The following ADAMTS19 variants were observed in gnomAD, a reference collection of about 807,000 sequenced individuals.
The protein encoded by ADAMTS19 is A disintegrin and metalloproteinase with thrombospondin motifs 19.
ADAMTS19 carries 93 observed loss-of-function variants against 153.3 expected under a neutral mutation model. That is an observed-to-expected ratio of 0.61 (90% CI 0.51 to 0.72). The LOEUF (loss-of-function observed/expected upper bound fraction) is 0.72, where lower values mean the gene tolerates loss of function less well. Among genes scored for constraint, ADAMTS19 ranks in the 30% least tolerant of loss-of-function variants. The probability of loss-of-function intolerance (pLI) is 0.00; values close to 1 mark genes in which losing one functional copy is unlikely to be tolerated. For synonymous variants in ADAMTS19, 600 were observed against 556.6 expected (o/e 1.08, Z -1.10); for missense variants, 1,482 against 1,552.1 (o/e 0.95, Z 0.76).
At chr5:129,647,968 T>G in intron 12 of ADAMTS19, 73 bp downstream of exon 12, 1 of 1,499,476 alleles carries the variant, frequency 6.7e-7, no homozygotes, top group East Asian at 2.3e-5. Flanking sequence ...TGATAAAGCA[T>G]GTTGGAAAGC....
chr5:129,728,011 T>C (rs932977026), intron 21 of ADAMTS19, among the ~76,000 whole-genome samples: 6 of 152,080 alleles, frequency 3.9e-5, no homozygotes, highest in African/African-American at 1.2e-4. Flanking sequence ...CAGGTTGCGG[T>C]AAAGAAGCTG....
At chr5:129,560,600 T>C (rs1257259445) in intron 7 of ADAMTS19, among the ~76,000 whole-genome samples, 1 of 152,226 alleles carries the variant, frequency 6.6e-6, no homozygotes, top group East Asian at 1.9e-4. Context: ...GCATTTAAGA[T>C]GATTTTTGTT....
intron 10 of ADAMTS19, among the ~76,000 whole-genome samples, chr5:129,640,141 T>A (rs72792806): frequency 0.082 from 12,522 of 152,122 alleles, 597 homozygotes; most frequent in Middle Eastern, 0.15. Flanking sequence ...GGAAAAAAAG[T>A]CACAGAAAAG....
At chr5:129,667,994 T>A (rs1754129288) in intron 16 of ADAMTS19, among the ~76,000 whole-genome samples, 2 of 152,204 alleles carry the variant, frequency 1.3e-5, no homozygotes, top group African/African-American at 4.8e-5. Context: ...TATTCCCTCA[T>A]AGTTCTGTAG....
At chr5:129,486,473 T>C (rs956381696) in intron 2 of ADAMTS19, among the ~76,000 whole-genome samples, 8 of 151,886 alleles carry the variant, frequency 5.3e-5, no homozygotes, top group Admixed American at 5.3e-4. Flanking sequence ...ATAAATGAAA[T>C]AAAAAAGAAA....
intron 3 of ADAMTS19, among the ~76,000 whole-genome samples, chr5:129,520,620 T>C (rs1372110017): frequency 3.3e-5 from 5 of 152,208 alleles, no homozygotes; most frequent in Non-Finnish European, 5.9e-5. Flanking sequence ...AGTCTTACTC[T>C]GTTAAGAGTT....
intron 18 of ADAMTS19, among the ~76,000 whole-genome samples, chr5:129,691,067 T>G (rs1355387464): frequency 6.6e-6 from 1 of 152,140 alleles, no homozygotes; most frequent in Non-Finnish European, 1.5e-5. Flanking sequence ...ATATCCATTT[T>G]ATGGGTTAAA....
intron 10 of ADAMTS19, among the ~76,000 whole-genome samples, chr5:129,641,556 T>G (rs2127023417): frequency 6.6e-6 from 1 of 152,252 alleles, no homozygotes; most frequent in Admixed American, 6.5e-5. Flanking sequence ...TGATGATTTC[T>G]GTCTTAATTT....
At chr5:129,600,858 G>GTTA (rs67558720) in intron 8 of ADAMTS19, among the ~76,000 whole-genome samples, 3,248 of 150,594 alleles carry the variant, frequency 0.022, 66 homozygotes, top group African/African-American at 0.056. Context: ...AGTAGTAGGA[G>GTTA]TTATTATTAT....
rs534213161 is a variant in ADAMTS19, at chr5:129,681,958, A to C, written c.2664+2037A>C. Among the ~76,000 whole-genome samples the C allele has an allele frequency of 3.3e-5, 5 of 152,324 alleles. No homozygotes were observed. The South Asian group carries it at 1.0e-3, about 32-fold the overall frequency. On this transcript the variant is annotated intron_variant, in intron 17 of 22. Coordinates refer to ENST00000274487, the MANE Select transcript of ADAMTS19 (RefSeq NM_133638.6). ...AACATATGTTTAATGATTGTATTGC[A>C]TAAAATGCCATTGTGTTCCCTGCCT...
At chr5:129,505,532 A>G (rs960644485) in intron 2 of ADAMTS19, among the ~76,000 whole-genome samples, 4 of 152,166 alleles carry the variant, frequency 2.6e-5, no homozygotes, top group African/African-American at 9.6e-5. Context: ...ATCAAATTTT[A>G]TGTTTTGATT....
At chr5:129,580,344 A>G (rs1390963460) in intron 7 of ADAMTS19, among the ~76,000 whole-genome samples, 1 of 152,154 alleles carries the variant, frequency 6.6e-6, no homozygotes, top group Non-Finnish European at 1.5e-5. Flanking sequence ...GGCTGAAACG[A>G]TGGGGTTTTC....
At chr5:129,722,061 T>A (rs1757027764) in intron 21 of ADAMTS19, among the ~76,000 whole-genome samples, 1 of 152,216 alleles carries the variant, frequency 6.6e-6, no homozygotes, top group African/African-American at 2.4e-5. Flanking sequence ...GCAATAAACA[T>A]ATGTGTGTGT....
At position 129,461,588 on chromosome 5, in the gene ADAMTS19, T is replaced by C. The variant is rs905464532; in HGVS notation, c.578T>C (p.Leu193Pro). The change falls in exon 2 of 23, where the codon CTG becomes CCG. Residue 193 changes from leucine to proline, a missense_variant. Physicochemically the swap from Leu to Pro is moderately conservative, Grantham distance 98 (BLOSUM62 -3). This residue lies in a region of ADAMTS19 where 866 missense variants were observed against 827.7 expected (regional missense o/e 1.05). Transcript: ENST00000274487. This position sits in a 1 kb window ranked among gnomAD's most constrained non-coding sequence, Gnocchi z 4.6. ...CTGCTCCGGAGAGACGGCCGCTTCCTGGCGCCGCGCTTCGCAGTGGAACAG... is the reference window on the plus strand; with the variant it reads ...CTGCTCCGGAGAGACGGCCGCTTCCCGGCGCCGCGCTTCGCAGTGGAACAG... ...YLLLRRDGRF[L>P]APRFAVEQRP... 2 of 1,579,388 alleles carry C rather than the reference T, an allele frequency of 1.3e-6. No individual in the cohort carries two copies. Among genetic ancestry groups the C allele is most frequent in the East Asian group, 2.3e-5 (1 of 42,976 alleles).
intron 10 of ADAMTS19, among the ~76,000 whole-genome samples, chr5:129,627,070 G>GC (rs571409960): frequency 3.9e-4 from 59 of 152,130 alleles, no homozygotes; most frequent in Non-Finnish European, 7.7e-4. Flanking sequence ...GTCGTGAGAT[G>GC]CCCATTACAC....
intron 7 of ADAMTS19, among the ~76,000 whole-genome samples, chr5:129,553,737 C>A (rs1376743124): frequency 6.6e-6 from 1 of 152,080 alleles, no homozygotes; most frequent in Non-Finnish European, 1.5e-5. Context: ...TTTCCCTATG[C>A]AGTCTTGACA....
At chr5:129,521,086 C>T (rs547319510) in intron 3 of ADAMTS19, among the ~76,000 whole-genome samples, 11 of 152,172 alleles carry the variant, frequency 7.2e-5, no homozygotes, top group South Asian at 2.1e-4. Flanking sequence ...GATTTTCATG[C>T]GGGCTGTGGC....
intron 8 of ADAMTS19, among the ~76,000 whole-genome samples, chr5:129,607,006 C>T (rs1042392217): frequency 2.6e-5 from 4 of 152,164 alleles, no homozygotes; most frequent in African/African-American, 9.7e-5. Flanking sequence ...CAACCTCCAT[C>T]TCCTGGGTTC....
intron 7 of ADAMTS19, among the ~76,000 whole-genome samples, chr5:129,558,053 T>C (rs1317254751): frequency 8.0e-6 from 1 of 124,380 alleles, no homozygotes; most frequent in Non-Finnish European, 1.7e-5. Flanking sequence ...TCAAAACACA[T>C]TCATGATAAA....
Sources: gnomAD v4.1 joint callset for allele counts (sites outside exome capture counted in the v4.1 genomes callset) on GRCh38, gnomAD v4.1.1 for gene constraint, gnomAD v4.1.1 regional missense constraint, Gnocchi (gnomAD v3.1) non-coding constraint, MANE v1.5 for transcripts, NCBI Gene and HGNC (gene_info 2026-07-23, HGNC 2026-07-21) for gene names.